The following KSR2 variants were observed in gnomAD, a reference collection of about 807,000 sequenced individuals.
The protein encoded by KSR2 is kinase suppressor of ras 2.
In KSR2, 25 loss-of-function variants were observed where a neutral mutation model predicts 107.8. The observed-to-expected ratio is 0.23, with a 90% CI of 0.17 to 0.32. The LOEUF is 0.32. Ranked by LOEUF, KSR2 falls within the 10% of genes least tolerant of loss-of-function variation. The pLI is 1.00. For synonymous variants in KSR2, 480 were observed against 507.0 expected (o/e 0.95, Z 0.71); for missense variants, 887 against 1,268.9 (o/e 0.70, Z 4.57).
At chr12:117,859,506 G>T (rs1424573376) in intron 2 of KSR2, among the ~76,000 whole-genome samples, 3 of 148,854 alleles carry the variant, frequency 2.0e-5, no homozygotes, top group Admixed American at 6.8e-5. Flanking sequence ...ACCCAGGCTG[G>T]AGTGCAGAGG....
At chr12:117,757,767 G>A (rs1290655186) in intron 4 of KSR2, among the ~76,000 whole-genome samples, 2 of 152,150 alleles carry the variant, frequency 1.3e-5, no homozygotes, top group Non-Finnish European at 2.9e-5. Context: ...TATGTACATT[G>A]TTTTTTAAGA....
chr12:117,571,966 A>G (rs902297844), intron 7 of KSR2, among the ~76,000 whole-genome samples: 1 of 151,962 alleles, frequency 6.6e-6, no homozygotes, highest in Non-Finnish European at 1.5e-5. Flanking sequence ...GCACTGAGCA[A>G]CGCCTCCCAC....
chr12:117,471,776 A>G (rs1166769687), intron 17 of KSR2, among the ~76,000 whole-genome samples: 1 of 152,202 alleles, frequency 6.6e-6, no homozygotes, highest in Non-Finnish European at 1.5e-5. Context: ...AAAACATTTC[A>G]AATAAATTTT....
At chr12:117,480,261 C>A (rs1245166825) in intron 16 of KSR2, among the ~76,000 whole-genome samples, 2 of 152,132 alleles carry the variant, frequency 1.3e-5, no homozygotes, top group East Asian at 3.9e-4. Flanking sequence ...CTCTTCCTGA[C>A]TCATGGGGTC....
At chr12:117,872,238 A>T (rs926821265) in intron 1 of KSR2, among the ~76,000 whole-genome samples, 2 of 152,188 alleles carry the variant, frequency 1.3e-5, no homozygotes, top group African/African-American at 4.8e-5. Context: ...GTACTAGATA[A>T]TTTCACATTA....
chr12:117,761,328 G>C lies in KSR2; in HGVS notation c.669C>G (p.His223Gln). The C allele has an allele frequency of 6.4e-7, 1 of 1,561,528 alleles. No individual in the cohort carries two copies. Among genetic ancestry groups the C allele is most frequent in the Non-Finnish European group, 8.6e-7 (1 of 1,159,110 alleles). ...SPTPGAPVYTHVDRLTVDAYP... is the reference protein window; with the variant it reads ...SPTPGAPVYTQVDRLTVDAYP... The stretch of plus-strand genomic sequence containing the variant: ...AGGCGTCCACGGTAAGCCTGTCCAC[G>C]TGGGTGTACACAGGGGCCCCGGGAG... The change falls in exon 4 of 20, where the codon CAC becomes CAG. Residue 223 changes from histidine (H) to glutamine (Q), a missense_variant. Coordinates refer to ENST00000339824, the MANE Select transcript of KSR2 (RefSeq NM_173598.6).
intron 3 of KSR2, among the ~76,000 whole-genome samples, chr12:117,832,434 G>T (rs550098434): frequency 6.6e-6 from 1 of 152,144 alleles, no homozygotes; most frequent in Non-Finnish European, 1.5e-5. Flanking sequence ...CAGACCCAGC[G>T]TCATCAACAA....
chr12:117,656,967 TATATATATAATAGG>T (rs1884191961), intron 5 of KSR2, among the ~76,000 whole-genome samples: 2 of 114,092 alleles, frequency 1.8e-5, no homozygotes, highest in Non-Finnish European at 3.4e-5. Context: ...TAATAGGATA[TATATATATAATAGG>T]ATATATATAT....
chr12:117,943,594 T>C (rs532601737), intron 1 of KSR2, among the ~76,000 whole-genome samples: 127 of 148,168 alleles, frequency 8.6e-4, no homozygotes, highest in African/African-American at 2.8e-3. Flanking sequence ...AACTGATTAA[T>C]AGATCAACAA....
At chr12:117,740,001 G>A (rs1171798839) in intron 4 of KSR2, among the ~76,000 whole-genome samples, 5 of 151,504 alleles carry the variant, frequency 3.3e-5, no homozygotes, top group Admixed American at 6.6e-5. Flanking sequence ...CTTTAGTGGC[G>A]ATTTGTGAGA....
At chr12:117,929,195 T>C (rs714323) in intron 1 of KSR2, among the ~76,000 whole-genome samples, 52,506 of 152,092 alleles carry the variant, frequency 0.35, 9,500 homozygotes, top group Middle Eastern at 0.49. Flanking sequence ...AAAGCAGATA[T>C]TTGTACACCA....
rs541607449 is a variant in KSR2 at position 117,875,046 on chromosome 12, G to A, written c.181-14615C>T. 2.6e-5 allele frequency among the ~76,000 whole-genome samples: 4 copies of A among 152,162 alleles called. No individual in the cohort carries two copies. The South Asian group carries it at 8.3e-4, about 32-fold the overall frequency. On this transcript the variant is annotated intron_variant, in intron 1 of 19. Coordinates refer to ENST00000339824, the MANE Select transcript of KSR2 (RefSeq NM_173598.6). The stretch of plus-strand genomic sequence containing the variant: ...CAGGGGGCAGCCTGGCACCTTCCAC[G>A]ACAGATGGAAAATTTTCCGGGCCTT...
intron 3 of KSR2, among the ~76,000 whole-genome samples, chr12:117,828,437 CT>C (rs1891835886): frequency 6.6e-6 from 1 of 152,208 alleles, no homozygotes; most frequent in South Asian, 2.1e-4. Context: ...ATACAAATGG[CT>C]ACCAAACCAT....
At chr12:117,722,962 C>A (rs150592052) in intron 4 of KSR2, among the ~76,000 whole-genome samples, 1 of 152,244 alleles carries the variant, frequency 6.6e-6, no homozygotes, top group Non-Finnish European at 1.5e-5. Context: ...CCCATGGCTG[C>A]AAGGGAAAGC....
intron 3 of KSR2, among the ~76,000 whole-genome samples, chr12:117,821,826 GTATTA>G (rs1405666383): frequency 1.3e-5 from 2 of 152,326 alleles, no homozygotes; most frequent in East Asian, 3.9e-4. Context: ...GGAGTCTGAA[GTATTA>G]TTGTCAGAGG....
chr12:117,967,375 C>A (rs906651000), intron 1 of KSR2, among the ~76,000 whole-genome samples: 1 of 152,184 alleles, frequency 6.6e-6, no homozygotes, highest in Admixed American at 6.5e-5. Context: ...TCCCACACCA[C>A]CTATGTGTGC....
intron 14 of KSR2, among the ~76,000 whole-genome samples, chr12:117,493,754 C>T (rs553569707): frequency 7.9e-5 from 12 of 152,244 alleles, no homozygotes; most frequent in Admixed American, 6.5e-5. Context: ...TCAGAATTCC[C>T]ATGTGTTGTG....
intron 5 of KSR2, among the ~76,000 whole-genome samples, chr12:117,627,102 G>A (rs1021079821): frequency 9.3e-5 from 14 of 151,316 alleles, no homozygotes; most frequent in East Asian, 5.8e-4. Flanking sequence ...GTCTTTACAC[G>A]TGATATGGGT....
intron 5 of KSR2, among the ~76,000 whole-genome samples, chr12:117,644,824 C>T (rs187843490): frequency 1.4e-4 from 22 of 152,286 alleles, no homozygotes; most frequent in East Asian, 1.2e-3. Context: ...GACAAACAAA[C>T]GAGAGCATGA....
Sources: gnomAD v4.1 joint callset for allele counts (sites outside exome capture counted in the v4.1 genomes callset) on GRCh38, gnomAD v4.1.1 for gene constraint, MANE v1.5 for transcripts, NCBI Gene and HGNC (gene_info 2026-07-23, HGNC 2026-07-21) for gene names.